Variants in ADARB2 observed in about 807,000 individuals in gnomAD.
ADARB2 encodes the protein adenosine deaminase RNA specific B2 (inactive).
A neutral mutation model predicts 62.2 loss-of-function variants in ADARB2; 25 were observed. The ratio of observed to expected loss-of-function variants is 0.40; its 90% CI spans 0.29 to 0.56. The LOEUF (loss-of-function observed/expected upper bound fraction) is 0.56, where lower values mean the gene tolerates loss of function less well. Among genes scored for constraint, ADARB2 ranks in the 20% least tolerant of loss-of-function variants. The pLI is 0.43. For missense variants in ADARB2, 1,071 were observed against 1,077.4 expected (o/e 0.99, Z 0.08); for synonymous variants, 572 against 500.8 (o/e 1.14, Z -1.90).
rs1484491197 is a variant in ADARB2, at chr10:1,704,225, G to A, written c.100+32826C>T. On this transcript the variant is annotated intron_variant, in intron 1 of 9. Coordinates refer to ENST00000381312, the MANE Select transcript of ADARB2 (RefSeq NM_018702.4). The surrounding 1 kb of genome is among the most constrained non-coding windows in gnomAD (Gnocchi z 5.6). ...CAGGGATGGTTTCAGGATGATTCAA[G>A]CACATTATATTTATTGTGCACTTTA... 2.0e-5 allele frequency among the ~76,000 whole-genome samples: 3 copies of A among 152,108 alleles called. No individual in the cohort carries two copies. The highest frequency in any genetic ancestry group is 4.4e-5 in the Non-Finnish European group (3 of 68,024).
chr10:1,596,756 G>C (rs1207120254), intron 1 of ADARB2, among the ~76,000 whole-genome samples: 1 of 152,244 alleles, frequency 6.6e-6, no homozygotes, highest in African/African-American at 2.4e-5. Flanking sequence ...GGGAAGGCCT[G>C]TGGGGTCCGT....
rs947488896 is a variant in ADARB2, at chr10:1,178,003, C to A, written c.*5190G>T. On this transcript the variant is annotated 3_prime_UTR_variant, in exon 10 of 10. Transcript: ENST00000381312. ...AAATAGATCTCTAGAGATGTGGCCA[C>A]CAGCGTTCCTTCTGGTGGGAGGTCA... is the stretch of plus-strand genomic sequence containing the variant. 1.3e-5 allele frequency: 2 copies of A among 152,248 alleles called. No homozygotes were observed. The highest frequency in any genetic ancestry group is 2.9e-5 in the Non-Finnish European group (2 of 68,052). The allele number at this position is 152,248 out of a possible 1,614,324, so 9.4% of individuals were successfully genotyped here.
chr10:1,342,599 G>A (rs948015862), intron 3 of ADARB2, among the ~76,000 whole-genome samples: 1 of 152,126 alleles, frequency 6.6e-6, no homozygotes, highest in African/African-American at 2.4e-5. Flanking sequence ...TGGGGTGGGG[G>A]TGGAAAGTCT....
At chr10:1,408,668 G>A (rs909689960) in intron 1 of ADARB2, among the ~76,000 whole-genome samples, 2 of 152,162 alleles carry the variant, frequency 1.3e-5, no homozygotes, top group African/African-American at 4.8e-5. Context: ...GCTTTGACCT[G>A]TCCTTGTTGG....
At chr10:1,446,100 T>C (rs540552554) in intron 1 of ADARB2, among the ~76,000 whole-genome samples, 6 of 152,330 alleles carry the variant, frequency 3.9e-5, no homozygotes, top group South Asian at 2.1e-4. Flanking sequence ...ATTAAGTTAA[T>C]GCTTTGCGTT....
chr10:1,431,217 A>G (rs79895024), intron 1 of ADARB2, among the ~76,000 whole-genome samples: 14,431 of 151,102 alleles, frequency 0.096, 911 homozygotes, highest in East Asian at 0.25. Flanking sequence ...AATTTAAAAT[A>G]ATAAAAATCA....
At chr10:1,260,118 AC>A (rs34569757) in intron 4 of ADARB2, among the ~76,000 whole-genome samples, 55,762 of 152,042 alleles carry the variant, frequency 0.37, 10,464 homozygotes, top group South Asian at 0.52. Flanking sequence ...TGCTAAAAAA[AC>A]CTCAATAAAT....
chr10:1,470,233 T>TA (rs1203207140), intron 1 of ADARB2, among the ~76,000 whole-genome samples: 1 of 152,040 alleles, frequency 6.6e-6, no homozygotes, highest in East Asian at 1.9e-4. Flanking sequence ...TCAGTCAGAT[T>TA]AAAAAATAAG....
chr10:1,447,390 G>A (rs965932336), intron 1 of ADARB2, among the ~76,000 whole-genome samples: 4 of 152,178 alleles, frequency 2.6e-5, no homozygotes, highest in Non-Finnish European at 5.9e-5. Flanking sequence ...TGTGGCTCAT[G>A]GCAGGTAACA....
intron 1 of ADARB2, among the ~76,000 whole-genome samples, chr10:1,705,127 T>G (rs1467281523): frequency 2.6e-5 from 4 of 152,252 alleles, no homozygotes; most frequent in Non-Finnish European, 4.4e-5. Context: ...TGGCATTTCT[T>G]CACATTTTCC....
At chr10:1,394,943 C>A in intron 1 of ADARB2, 1 of 455,538 alleles carries the variant, frequency 2.2e-6, no homozygotes, top group Non-Finnish European at 4.4e-6. Flanking sequence ...TTTCTTTCGA[C>A]AAGATCTTGC....
At chr10:1,489,485 C>G (rs779907369) in intron 1 of ADARB2, among the ~76,000 whole-genome samples, 22 of 152,220 alleles carry the variant, frequency 1.4e-4, no homozygotes, top group Admixed American at 7.2e-4. Flanking sequence ...GGAACAAATA[C>G]CTTCACAGCC....
At chr10:1,706,478 T>G (rs960772547) in intron 1 of ADARB2, among the ~76,000 whole-genome samples, 3 of 152,196 alleles carry the variant, frequency 2.0e-5, no homozygotes, top group African/African-American at 4.8e-5. Context: ...GGTATTTACA[T>G]ATTCAGGCAA....
At chr10:1,405,329 T>C (rs188489668) in intron 1 of ADARB2, among the ~76,000 whole-genome samples, 1 of 152,338 alleles carries the variant, frequency 6.6e-6, no homozygotes, top group East Asian at 1.9e-4. Flanking sequence ...CTTCCAATCT[T>C]GAGCTTCAAT....
At chr10:1,576,126 C>T (rs866435897) in intron 1 of ADARB2, among the ~76,000 whole-genome samples, 16 of 47,728 alleles carry the variant, frequency 3.4e-4, no homozygotes, top group South Asian at 7.4e-4. Flanking sequence ...CAGGAGGGGG[C>T]CCAGGGTCAC....
chr10:1,595,204 G>T (rs1156294354), intron 1 of ADARB2, among the ~76,000 whole-genome samples: 1 of 152,198 alleles, frequency 6.6e-6, no homozygotes, highest in African/African-American at 2.4e-5. Flanking sequence ...GTAAACATTT[G>T]CAAGGCACAG....
intron 1 of ADARB2, among the ~76,000 whole-genome samples, chr10:1,559,854 C>T (rs915342370): frequency 1.3e-5 from 2 of 152,190 alleles, no homozygotes; most frequent in South Asian, 2.1e-4. Flanking sequence ...GCCCATGTTG[C>T]GGTGACATTC....
Position 1,521,345 on chromosome 10 carries a change from G to C in ADARB2, c.101-142185C>G, listed in dbSNP as rs116993471. On this transcript the variant is annotated intron_variant, in intron 1 of 9. Coordinates refer to ENST00000381312, the MANE Select transcript of ADARB2 (RefSeq NM_018702.4). Reference sequence around the variant, plus strand: ...ATTCGGACTCAGCTCCTAACCACCTGTACTGTCTTAGACATTTAAAACCTC... The same window carrying C: ...ATTCGGACTCAGCTCCTAACCACCTCTACTGTCTTAGACATTTAAAACCTC... Among the ~76,000 whole-genome samples the C allele has an allele frequency of 6.8e-3, 1,040 of 152,154 alleles. 12 individuals are homozygous for C. Among genetic ancestry groups the C allele is most frequent in the Non-Finnish European group, 0.011 (736 of 67,984 alleles).
chr10:1,465,521 C>T (rs575080567), intron 1 of ADARB2, among the ~76,000 whole-genome samples: 2 of 152,156 alleles, frequency 1.3e-5, no homozygotes, highest in Admixed American at 6.6e-5. Flanking sequence ...ACCGCAGTGC[C>T]GACACAGTGA....
Sources: gnomAD v4.1 joint callset for allele counts (sites outside exome capture counted in the v4.1 genomes callset) on GRCh38, gnomAD v4.1.1 for gene constraint, Gnocchi (gnomAD v3.1) non-coding constraint, MANE v1.5 for transcripts, NCBI Gene and HGNC (gene_info 2026-07-23, HGNC 2026-07-21) for gene names.